The following PRPF6 variants were observed in gnomAD, a reference collection of about 807,000 sequenced individuals.
PRPF6 encodes pre-mRNA-processing factor 6.
PRPF6 carries 42 observed loss-of-function variants against 118.3 expected under a neutral mutation model. That is an observed-to-expected ratio of 0.35 (90% CI 0.28 to 0.46). The LOEUF is 0.46. Ranked by LOEUF, PRPF6 falls within the 20% of genes least tolerant of loss-of-function variation. The pLI is 1.00. For synonymous variants in PRPF6, 481 were observed against 485.1 expected (o/e 0.99, Z 0.11); for missense variants, 662 against 1,255.7 (o/e 0.53, Z 7.15).
rs539074834 is a variant in PRPF6, at chr20:63,999,729, T to C, written c.993T>C (p.Leu331=). The C allele has an allele frequency of 6.2e-6, 10 of 1,614,146 alleles. No individual in the cohort carries two copies. The East Asian group carries it at 1.1e-4, about 18-fold the overall frequency. Residue 331 remains leucine (L), a synonymous_variant, in exon 8 of 21, where the codon CTT becomes CTC. Coordinates refer to ENST00000266079, the MANE Select transcript of PRPF6 (RefSeq NM_012469.4). The part of the protein sequence containing the change: ...VTGKLQVARN[L]IMKGTEMCPK... ...GGAAGCTACAAGTAGCTCGGAACCT[T>C]ATCATGAAGGGGACGGAGATGTGCC...
chr20:64,011,378 TGGATCAC>T lies in PRPF6; in HGVS notation c.1402_1408del (p.Ile468LeufsTer60). 1 of 1,614,144 alleles carries T rather than the reference TGGATCAC, an allele frequency of 6.2e-7. No individual in the cohort carries two copies. The highest frequency in any genetic ancestry group is 8.5e-7 in the Non-Finnish European group (1 of 1,180,034). On this transcript the variant is annotated frameshift_variant, in exon 11 of 21. Transcript: ENST00000266079. LOFTEE classifies it high-confidence loss of function. The surrounding 1 kb of genome is among the most constrained non-coding windows in gnomAD (Gnocchi z 6.7). ...GAACATTCCTACAGACCGACATATCTGGATCACGGCTGCTAAGCTGGAGGAAGCCAAT... is the reference window on the plus strand; with the variant it reads ...GAACATTCCTACAGACCGACATATCTGGCTGCTAAGCTGGAGGAAGCCAAT...
Position 64,026,505 on chromosome 20 carries a change from A to T in PRPF6, c.2028+447A>T, listed in dbSNP as rs1430530022. On this transcript the variant is annotated intron_variant, in intron 15 of 20. Transcript: ENST00000266079. The surrounding 1 kb of genome is among the most constrained non-coding windows in gnomAD (Gnocchi z 4.4). The stretch of plus-strand genomic sequence containing the variant: ...TGGGCAGCAAGAGGGAAACTGTCTC[A>T]GCAACAACAACAACAACAAACATGT... 7.0e-6 allele frequency among the ~76,000 whole-genome samples: 1 copy of T among 143,070 alleles called. No homozygotes were observed. The highest frequency in any genetic ancestry group is 1.5e-5 in the Non-Finnish European group (1 of 66,116). 93.9% of individuals were successfully genotyped at this position (143,070 alleles called of 152,430 possible). A position where few individuals can be genotyped will look rare whatever the true frequency, so the allele number is the denominator to read the frequency against.
intron 12 of PRPF6, among the ~76,000 whole-genome samples, chr20:64,018,135 G>C (rs188771618): frequency 1.3e-5 from 2 of 152,308 alleles, no homozygotes; most frequent in South Asian, 4.1e-4. Context: ...GTTTGGGGCC[G>C]TAGTGAGCTG....
chr20:64,008,291 A>G (rs2059199410), intron 9 of PRPF6, among the ~76,000 whole-genome samples: 1 of 152,162 alleles, frequency 6.6e-6, no homozygotes. Flanking sequence ...GAGATTCCTC[A>G]CATCAGGGTT....
At chr20:64,030,813 G>GT (rs2059310986) in intron 19 of PRPF6, among the ~76,000 whole-genome samples, 1 of 152,232 alleles carries the variant, frequency 6.6e-6, no homozygotes, top group Non-Finnish European at 1.5e-5. Flanking sequence ...AAACAATCAG[G>GT]TTATCAGAGT....
intron 19 of PRPF6, among the ~76,000 whole-genome samples, chr20:64,031,129 G>C (rs935020547): frequency 6.6e-6 from 1 of 152,260 alleles, no homozygotes; most frequent in East Asian, 1.9e-4. Context: ...GAATCCAGTG[G>C]CCTGAGGGCT....
chr20:64,019,531 C>G (rs964319993), intron 12 of PRPF6, among the ~76,000 whole-genome samples: 8 of 152,320 alleles, frequency 5.3e-5, no homozygotes, highest in Admixed American at 1.3e-4. Context: ...CTCCCGGACA[C>G]CAGGGCCCTG....
Position 64,026,100 on chromosome 20 carries a change from G to A in PRPF6, c.2028+42G>A, listed in dbSNP as rs1354386156. The A allele has an allele frequency of 6.3e-7, 1 of 1,597,020 alleles. No individual in the cohort carries two copies. Among genetic ancestry groups the A allele is most frequent in the African/African-American group, 1.3e-5 (1 of 74,888 alleles). On this transcript the variant is annotated intron_variant, in intron 15 of 20. Transcript: ENST00000266079. This position sits in a 1 kb window ranked among gnomAD's most constrained non-coding sequence, Gnocchi z 4.4. ...AGGGCTGGGCCGTCTGGGGTGCATGGTGTGCACATGCGGGCCCCACGCCTG... is the reference window on the plus strand; with the variant it reads ...AGGGCTGGGCCGTCTGGGGTGCATGATGTGCACATGCGGGCCCCACGCCTG...
chr20:64,014,267 A>G (rs1312087098), intron 11 of PRPF6, among the ~76,000 whole-genome samples: 2 of 151,734 alleles, frequency 1.3e-5, no homozygotes, highest in Non-Finnish European at 2.9e-5. Flanking sequence ...TTCTTTCTCT[A>G]CACATTTTTT....
intron 13 of PRPF6, 99 bp from the exon 14 acceptor site, chr20:64,024,456 C>T: frequency 6.8e-7 from 1 of 1,474,916 alleles, no homozygotes; most frequent in South Asian, 1.1e-5. Flanking sequence ...AACTTTGGAG[C>T]AGTAACTGTC....
At chr20:64,004,434 CACTT>C (rs758051129) in intron 9 of PRPF6, among the ~76,000 whole-genome samples, 7 of 152,336 alleles carry the variant, frequency 4.6e-5, no homozygotes, top group East Asian at 1.9e-4. Context: ...TATTAGCAAA[CACTT>C]ACACGTTGCT....
In PRPF6 at chr20:64,028,471, TC is replaced by T. The variant is rs2059301276; in HGVS notation, c.2340-5del. ...GCTGTGGGACCTCCGGGGGCCTGTCTCCTCAGGTTGGAGTCCGTGCGGCTGG... is the reference window on the plus strand; with the variant it reads ...GCTGTGGGACCTCCGGGGGCCTGTCTCTCAGGTTGGAGTCCGTGCGGCTGG... On this transcript the variant is annotated splice_region_variant and splice_polypyrimidine_tract_variant and intron_variant, in intron 17 of 20. Transcript: ENST00000266079. This position sits in a 1 kb window ranked among gnomAD's most constrained non-coding sequence, Gnocchi z 6.5. 6.2e-7 allele frequency: 1 copy of T among 1,613,760 alleles called. No individual in the cohort carries two copies. The highest frequency in any genetic ancestry group is 8.5e-7 in the Non-Finnish European group (1 of 1,179,980).
intron 12 of PRPF6, among the ~76,000 whole-genome samples, chr20:64,021,685 CGT>C (rs1303420450): frequency 1.3e-4 from 12 of 89,024 alleles, no homozygotes; most frequent in South Asian, 1.2e-3. Context: ...TCTGTGTGTG[CGT>C]GTGTGTGCAC....
rs571643817 is a variant in PRPF6, at chr20:64,016,145, G to A, written c.1525-578G>A. 1.0e-4 allele frequency among the ~76,000 whole-genome samples: 15 copies of A among 150,262 alleles called. 1 individual carries two copies. Among genetic ancestry groups the A allele is most frequent in the Middle Eastern group, 3.4e-3 (1 of 294 alleles). Reference sequence around the variant, plus strand: ...TCTCTTTTTTTTTTTTTTCTGAGACGTAGTCTTGCTCCGTTGCCCAGGCTG... The same window carrying A: ...TCTCTTTTTTTTTTTTTTCTGAGACATAGTCTTGCTCCGTTGCCCAGGCTG... On this transcript the variant is annotated intron_variant, in intron 11 of 20. Coordinates refer to ENST00000266079, the MANE Select transcript of PRPF6 (RefSeq NM_012469.4).
chr20:64,017,068 G>A (rs1322736772), intron 12 of PRPF6, among the ~76,000 whole-genome samples: 1 of 151,926 alleles, frequency 6.6e-6, no homozygotes, highest in African/African-American at 2.4e-5. Context: ...TCAGCCTCCC[G>A]AGTAGCTGGG....
At chr20:64,022,646 CCTT>C (rs1443046317) in intron 12 of PRPF6, 108 bp from the exon 13 acceptor site, 1 of 1,507,150 alleles carries the variant, frequency 6.6e-7, no homozygotes, top group Non-Finnish European at 9.2e-7. Context: ...CTGTGGTACA[CCTT>C]CTAGCAGATA....
At chr20:64,032,166 T>C in intron 20 of PRPF6, 122 bp downstream of exon 20, 2 of 1,477,858 alleles carry the variant, frequency 1.4e-6, no homozygotes, top group Non-Finnish European at 1.9e-6. Flanking sequence ...GTCGGGAGGA[T>C]GGACCGGGTG....
rs61702884 is a variant in PRPF6, at chr20:63,987,169, C to CAAAA, written c.359+2161_359+2164dup. 9.5e-5 allele frequency among the ~76,000 whole-genome samples: 5 copies of CAAAA among 52,432 alleles called. 1 individual carries two copies. Among genetic ancestry groups the CAAAA allele is most frequent in the East Asian group, 6.1e-4 (1 of 1,640 alleles). The allele number at this position is 52,432 out of a possible 152,430, so 34.4% of individuals were successfully genotyped here. On this transcript the variant is annotated intron_variant, in intron 3 of 20. Coordinates refer to ENST00000266079, the MANE Select transcript of PRPF6 (RefSeq NM_012469.4). ...TGGGCCACAGAGCGAGACCCTGTCT[C>CAAAA]AAAAAAAAAAAAAAAAAAAAGGGGG...
In PRPF6 at chr20:64,011,472, G is replaced by T; in HGVS notation, c.1493G>T (p.Gly498Val). The T allele has an allele frequency of 6.2e-7, 1 of 1,613,760 alleles. No homozygotes were observed. Among genetic ancestry groups the T allele is most frequent in the Non-Finnish European group, 8.5e-7 (1 of 1,180,008 alleles). ...DRAITSLRAN[G>V]VEINREQWIQ... is the part of the protein sequence containing the mutation. ...GCCATCACCTCGCTGCGGGCCAACGGTGTGGAGATCAACCGTGAGCAGTGG... is the reference window on the plus strand; with the variant it reads ...GCCATCACCTCGCTGCGGGCCAACGTTGTGGAGATCAACCGTGAGCAGTGG... Residue 498 changes from glycine (G) to valine (V), a missense_variant, in exon 11 of 21, where the codon GGT becomes GTT. Gly to Val is a moderately radical substitution (Grantham distance 109). This residue lies in a region of PRPF6 where 189 missense variants were observed against 323.5 expected (regional missense o/e 0.58). Transcript: ENST00000266079. The surrounding 1 kb of genome is among the most constrained non-coding windows in gnomAD (Gnocchi z 6.7).
Sources: gnomAD v4.1 joint callset for allele counts (sites outside exome capture counted in the v4.1 genomes callset) on GRCh38, gnomAD v4.1.1 for gene constraint, gnomAD v4.1.1 regional missense constraint, Gnocchi (gnomAD v3.1) non-coding constraint, MANE v1.5 for transcripts, NCBI Gene and HGNC (gene_info 2026-07-23, HGNC 2026-07-21) for gene names.